The following TRAF1 variants were observed in gnomAD, a reference collection of about 807,000 sequenced individuals.
The protein encoded by TRAF1 is TNF receptor associated factor 1.
A neutral mutation model predicts 40.9 loss-of-function variants in TRAF1; 23 were observed. The observed-to-expected ratio is 0.56, with a 90% CI of 0.40 to 0.80. TRAF1 has a LOEUF of 0.80. Ranked by LOEUF, TRAF1 falls within the 30% of genes least tolerant of loss-of-function variation. The pLI is 0.00. For missense variants in TRAF1, 477 were observed against 528.7 expected, an observed-to-expected ratio of 0.90 and a Z score of 0.96; for synonymous variants, 206 against 218.8, an observed-to-expected ratio of 0.94 and a Z score of 0.52.
At position 120,902,612 on chromosome 9, in the gene TRAF1, C is replaced by T. The variant is rs867690079; in HGVS notation, c.*2408G>A. 1 of 152,260 alleles carries T rather than the reference C, an allele frequency of 6.6e-6. No homozygotes were observed. Among genetic ancestry groups the T allele is most frequent in the African/African-American group, 2.4e-5 (1 of 41,374 alleles). The allele number at this position is 152,260 out of a possible 1,614,324, so 9.4% of individuals were successfully genotyped here. On this transcript the variant is annotated 3_prime_UTR_variant, in exon 8 of 8. Coordinates refer to ENST00000373887, the MANE Select transcript of TRAF1 (RefSeq NM_005658.5). ...CCCCATCCTGCCACACAGACCCTGCCCTCAGCCAAGACAGCTCTCCGTTTT... is the reference window on the plus strand; with the variant it reads ...CCCCATCCTGCCACACAGACCCTGCTCTCAGCCAAGACAGCTCTCCGTTTT...
chr9:120,912,935 G>C (rs559994636), intron 5 of TRAF1, among the ~76,000 whole-genome samples: 35 of 152,334 alleles, frequency 2.3e-4, no homozygotes, highest in Non-Finnish European at 4.9e-4. Flanking sequence ...CTGAAGGGCT[G>C]TCATGGGGAC....
Position 120,923,757 on chromosome 9 carries a change from C to T in TRAF1, c.176G>A (p.Gly59Glu), listed in dbSNP as rs546724165. 1.9e-5 allele frequency: 31 copies of T among 1,614,160 alleles called. No individual in the cohort carries two copies. The South Asian group carries it at 2.0e-4, about 10-fold the overall frequency. ...TGGGCTTATAGACTGGAGGTCTTCC[C>T]CTCTGCATTTGGGGCAGATCTGATC... is the stretch of plus-strand genomic sequence containing the variant. ...GEDQICPKCR[G>E]EDLQSISPGS... Residue 59 changes from glycine (G) to glutamate (E), a missense_variant, in exon 3 of 8, where the codon GGG becomes GAG. Physicochemically the swap from Gly to Glu is moderately conservative, Grantham distance 98. Coordinates refer to ENST00000373887, the MANE Select transcript of TRAF1 (RefSeq NM_005658.5).
chr9:120,906,044 C>T (rs1210981020), intron 7 of TRAF1, among the ~76,000 whole-genome samples: 1 of 152,126 alleles, frequency 6.6e-6, no homozygotes, highest in East Asian at 1.9e-4. Flanking sequence ...CAAAGCGGCA[C>T]ACCTGCCCTG....
At chr9:120,920,194 T>A (rs2269059) in intron 3 of TRAF1, among the ~76,000 whole-genome samples, 21,610 of 152,212 alleles carry the variant, frequency 0.14, 2,290 homozygotes, top group African/African-American at 0.29. Flanking sequence ...TGTCTTTCCA[T>A]GGAGGCAGGA....
At chr9:120,905,975 C>A (rs1312460816) in intron 7 of TRAF1, among the ~76,000 whole-genome samples, 1 of 142,304 alleles carries the variant, frequency 7.0e-6, no homozygotes, top group African/African-American at 2.4e-5. Context: ...TTTTAAAAAT[C>A]TCCCCAGCAC....
chr9:120,907,539 G>A (rs1428819716), intron 7 of TRAF1, among the ~76,000 whole-genome samples: 1 of 152,184 alleles, frequency 6.6e-6, no homozygotes, highest in African/African-American at 2.4e-5. Flanking sequence ...GGTTTTGTAA[G>A]ATCCTGCCAA....
In TRAF1 at chr9:120,909,359, A is replaced by G. The variant is rs2046508616; in HGVS notation, c.903T>C (p.Tyr301=). 6.2e-7 allele frequency: 1 copy of G among 1,614,002 alleles called. No homozygotes were observed. Among genetic ancestry groups the G allele is most frequent in the African/African-American group, 1.3e-5 (1 of 74,936 alleles). ...ACAGCCGCAGGCACAACTTGTAGCC[A>G]TACTTGGCAGTGTAGAAGGCTGAAA... ...LFSPAFYTAK[Y]GYKLCLRLYL... The change falls in exon 7 of 8, where the codon TAT becomes TAC. Residue 301 remains tyrosine, a synonymous_variant. Transcript: ENST00000373887.
chr9:120,908,983 ACTGCAC>A (rs924155642), intron 7 of TRAF1, among the ~76,000 whole-genome samples: 2 of 152,160 alleles, frequency 1.3e-5, no homozygotes, highest in Non-Finnish European at 2.9e-5. Context: ...GGTGTGGGGC[ACTGCAC>A]CTGGCCATGA....
rs1226351363 is a variant in TRAF1 at position 120,923,764 on chromosome 9, A to G, written c.169T>C (p.Cys57Arg). The change falls in exon 3 of 8, where the codon TGC (cysteine) becomes CGC (arginine). Residue 57 changes from cysteine to arginine, a missense_variant. By Grantham distance (180) the Cys-to-Arg change is radical. Transcript: ENST00000373887. ...RNGEDQICPK[C>R]RGEDLQSISP... Reference sequence around the variant, plus strand: ...ATAGACTGGAGGTCTTCCCCTCTGCATTTGGGGCAGATCTGATCCTCGCCA... The same window carrying G: ...ATAGACTGGAGGTCTTCCCCTCTGCGTTTGGGGCAGATCTGATCCTCGCCA... The G allele has an allele frequency of 6.2e-7, 1 of 1,614,062 alleles. No individual in the cohort carries two copies. Among genetic ancestry groups the G allele is most frequent in the Non-Finnish European group, 8.5e-7 (1 of 1,180,010 alleles).
rs572395482 is a variant in TRAF1 at position 120,919,047 on chromosome 9, C to G, written c.228+4658G>C. 1.2e-4 allele frequency among the ~76,000 whole-genome samples: 18 copies of G among 152,292 alleles called. No homozygotes were observed. The East Asian group carries it at 2.7e-3, about 23-fold the overall frequency. On this transcript the variant is annotated intron_variant, in intron 3 of 7. Transcript: ENST00000373887. ...CCGTGTGCAGGCTCCGTCCTCCCCA[C>G]CATAGTGTCCTTGCCTGGGGTGGCC...
At chr9:120,911,660 C>A (rs2046528536) in intron 5 of TRAF1, 147 bp from the exon 6 acceptor site, 2 of 904,306 alleles carry the variant, frequency 2.2e-6, no homozygotes, top group Non-Finnish European at 3.3e-6. Context: ...ATGTGCTGCC[C>A]CCTGCCTGGC....
rs1417044563 is a variant in TRAF1, at chr9:120,902,617, G to C, written c.*2403C>G. ...TCCTGCCACACAGACCCTGCCCTCA[G>C]CCAAGACAGCTCTCCGTTTTCAAGT... On this transcript the variant is annotated 3_prime_UTR_variant, in exon 8 of 8. Coordinates refer to ENST00000373887, the MANE Select transcript of TRAF1 (RefSeq NM_005658.5). 1 of 151,976 alleles carries C rather than the reference G, an allele frequency of 6.6e-6. No homozygotes were observed. Among genetic ancestry groups the C allele is most frequent in the East Asian group, 1.9e-4 (1 of 5,144 alleles). 9.4% of individuals were successfully genotyped at this position (151,976 alleles called of 1,614,324 possible). A position where few individuals can be genotyped will look rare whatever the true frequency, so the allele number is the denominator to read the frequency against.
intron 5 of TRAF1, among the ~76,000 whole-genome samples, chr9:120,912,417 G>A (rs566362985): frequency 1.2e-4 from 19 of 152,188 alleles, no homozygotes; most frequent in Non-Finnish European, 2.4e-4. Flanking sequence ...AGCACTTTGG[G>A]AGGCCGAGGC....
rs1338411809 is a variant in TRAF1 at position 120,905,203 on chromosome 9, C to T, written c.1068G>A (p.Glu356=). ...CAGGCCGGAAGGCGTCAATGGCGTG[C>T]TCACGGTTGTTCTGGTCCAGCAGCA... is the stretch of plus-strand genomic sequence containing the variant. ...TFMLLDQNNR[E]HAIDAFRPDL... is the part of the protein sequence containing the mutation. Residue 356 remains glutamate (E), a synonymous_variant, in exon 8 of 8, where the codon GAG becomes GAA. Coordinates refer to ENST00000373887, the MANE Select transcript of TRAF1 (RefSeq NM_005658.5). The T allele has an allele frequency of 1.9e-6, 3 of 1,613,432 alleles. No homozygotes were observed. The highest frequency in any genetic ancestry group is 2.7e-5 in the African/African-American group (2 of 74,938).
rs149705933 is a variant in TRAF1, at chr9:120,911,354, C to A, written c.865G>T (p.Val289Phe). 1 of 1,613,244 alleles carries A rather than the reference C, an allele frequency of 6.2e-7. No individual in the cohort carries two copies. Among genetic ancestry groups the A allele is most frequent in the African/African-American group, 1.3e-5 (1 of 75,048 alleles). Residue 289 changes from valine (V) to phenylalanine (F), a missense_variant, in exon 6 of 8, where the codon GTC becomes TTC. By Grantham distance (50) the Val-to-Phe change is conservative. Transcript: ENST00000373887. The part of the protein sequence containing the change: ...RCHESACGRT[V>F]SLFSPAFYTA... ...GTGTTACCTGGGGAGAAGAGGCTGACGGTCCTGCCACAGGCCGACTCATGG... is the reference window on the plus strand; with the variant it reads ...GTGTTACCTGGGGAGAAGAGGCTGAAGGTCCTGCCACAGGCCGACTCATGG...
rs143200014 is a variant in TRAF1, at chr9:120,905,133, C to T, written c.1138G>A (p.Val380Met). ...SFQRPQSETN[V>M]ASGCPLFFPL... ...AAGAAGAGTGGGCATCCACTGGCCA[C>T]GTTGGTTTCACTCTGGGGCCTCTGG... The change falls in exon 8 of 8, where the codon GTG (valine) becomes ATG (methionine). Residue 380 changes from valine (V) to methionine (M), a missense_variant. Val to Met is a conservative substitution (Grantham distance 21). Coordinates refer to ENST00000373887, the MANE Select transcript of TRAF1 (RefSeq NM_005658.5). 6 of 1,614,130 alleles carry T rather than the reference C, an allele frequency of 3.7e-6. No individual in the cohort carries two copies. Among genetic ancestry groups the T allele is most frequent in the African/African-American group, 2.7e-5 (2 of 74,950 alleles).
Position 120,904,722 on chromosome 9 carries a change from G to C in TRAF1, c.*298C>G, listed in dbSNP as rs1416625848. The C allele has an allele frequency of 7.2e-6, 3 of 414,506 alleles. No homozygotes were observed. The highest frequency in any genetic ancestry group is 1.3e-5 in the Non-Finnish European group (3 of 225,214). The allele number at this position is 414,506 out of a possible 1,614,324, so 25.7% of individuals were successfully genotyped here. A position where few individuals can be genotyped will look rare whatever the true frequency, so the allele number is the denominator to read the frequency against. ...GTTCCATTTTCTTCTCATTTGGTGA[G>C]AGTCCACCTCAACATTCGGGGCCGG... On this transcript the variant is annotated 3_prime_UTR_variant, in exon 8 of 8. Transcript: ENST00000373887.
At chr9:120,924,698 A>C (rs567457657) in intron 2 of TRAF1, among the ~76,000 whole-genome samples, 1 of 152,318 alleles carries the variant, frequency 6.6e-6, no homozygotes, top group South Asian at 2.1e-4. Context: ...TACAGGCATG[A>C]GCCACTGCGC....
chr9:120,913,715 C>T lies in TRAF1; in HGVS notation c.318G>A (p.Glu106=), dbSNP rs148622998. ...GGGAGGTCTGGGAGGTGACCTCATG[C>T]TCTTGCACAGACTGTGGGCTTCCCT... ...SFKGSPQSVQ[E]HEVTSQTSHL... Residue 106 remains glutamate, a synonymous_variant, in exon 5 of 8, where the codon GAG becomes GAA. Coordinates refer to ENST00000373887, the MANE Select transcript of TRAF1 (RefSeq NM_005658.5). 2.5e-6 allele frequency: 4 copies of T among 1,587,636 alleles called. No individual in the cohort carries two copies. Among genetic ancestry groups the T allele is most frequent in the Non-Finnish European group, 2.6e-6 (3 of 1,164,164 alleles).
Sources: allele counts gnomAD v4.1 joint callset (sites outside exome capture counted in the v4.1 genomes callset), GRCh38; gene constraint gnomAD v4.1.1; transcripts MANE v1.5; gene names NCBI Gene and HGNC (gene_info 2026-07-23, HGNC 2026-07-21).